Variants in ITGB6 observed in about 807,000 individuals in gnomAD.
ITGB6 encodes integrin subunit beta 6.
ITGB6 carries 80 observed loss-of-function variants against 84.5 expected under a neutral mutation model. That is an observed-to-expected ratio of 0.95 (90% confidence interval 0.79 to 1.14). The LOEUF is 1.14. Ranked by LOEUF, ITGB6 falls within the 50% of genes most tolerant of loss-of-function variation. The pLI is 0.00. For synonymous variants in ITGB6, 383 were observed against 354.9 expected, an observed-to-expected ratio of 1.08 and a Z score of -0.89; for missense variants, 1,006 against 968.0, an observed-to-expected ratio of 1.04 and a Z score of -0.52.
At chr2:160,129,855 A>G (rs1474440203) in intron 10 of ITGB6, among the ~76,000 whole-genome samples, 1 of 152,170 alleles carries the variant, frequency 6.6e-6, no homozygotes, top group Non-Finnish European at 1.5e-5. Context: ...TGATAGACAC[A>G]AAGATTTTGA....
In ITGB6 at chr2:160,107,012, C is replaced by T. The variant is rs537393349; in HGVS notation, c.2268+667G>A. 2.6e-3 allele frequency among the ~76,000 whole-genome samples: 401 copies of T among 152,238 alleles called. 1 individual carries two copies. Among genetic ancestry groups the T allele is most frequent in the Non-Finnish European group, 4.2e-3 (284 of 68,002 alleles). ...GGTCTCTAGAAATGTAATTATCTCT[C>T]CTGTGGAAAAGAAACACAGAAAACT... On this transcript the variant is annotated intron_variant, in intron 14 of 14. Coordinates refer to ENST00000283249, the MANE Select transcript of ITGB6 (RefSeq NM_000888.5).
In ITGB6 at chr2:160,138,325, C is replaced by T. The variant is rs1045559536; in HGVS notation, c.1108-126G>A. The T allele has an allele frequency of 3.6e-6, 3 of 838,252 alleles. No individual in the cohort carries two copies. In the African/African-American group the frequency reaches 5.2e-5, roughly 14 times the overall value. 51.9% of individuals were successfully genotyped at this position (838,252 alleles called of 1,614,324 possible). The stretch of plus-strand genomic sequence containing the variant: ...ACTAAATTGGGTGTCTAAAGAAATT[C>T]AGTATATCATCAATCAAAAGCAAGA... On this transcript the variant is annotated intron_variant, in intron 8 of 14. Coordinates refer to ENST00000283249, the MANE Select transcript of ITGB6 (RefSeq NM_000888.5).
At chr2:160,102,486 C>T (rs1342902997) in intron 14 of ITGB6, among the ~76,000 whole-genome samples, 1 of 152,184 alleles carries the variant, frequency 6.6e-6, no homozygotes, top group Non-Finnish European at 1.5e-5. Context: ...CTGTGTAAGA[C>T]AACCACAAGA....
At chr2:160,174,437 C>CACA (rs1346857613) in intron 4 of ITGB6, among the ~76,000 whole-genome samples, 2 of 152,068 alleles carry the variant, frequency 1.3e-5, no homozygotes, top group African/African-American at 4.8e-5. Flanking sequence ...GTAATCACTA[C>CACA]CTTCTATGGG....
chr2:160,197,705 G>A (rs140423108), intron 2 of ITGB6, among the ~76,000 whole-genome samples: 33 of 152,320 alleles, frequency 2.2e-4, no homozygotes, highest in Non-Finnish European at 3.4e-4. Context: ...GCCAGGCATG[G>A]CAAACTGTAA....
intron 7 of ITGB6, among the ~76,000 whole-genome samples, chr2:160,163,125 C>T (rs1684880517): frequency 6.6e-6 from 1 of 152,150 alleles, no homozygotes; most frequent in African/African-American, 2.4e-5. Flanking sequence ...CCACCCAGAG[C>T]TTAAACAACC....
intron 2 of ITGB6, among the ~76,000 whole-genome samples, 169 bp from the exon 3 acceptor site, chr2:160,196,589 G>A (rs1388700485): frequency 1.3e-5 from 2 of 152,044 alleles, no homozygotes; most frequent in African/African-American, 4.8e-5. Context: ...TAAGTTATAG[G>A]TGAATAACCA....
chr2:160,173,093 G>C (rs553535950), intron 5 of ITGB6, among the ~76,000 whole-genome samples: 6 of 152,130 alleles, frequency 3.9e-5, no homozygotes, highest in Admixed American at 3.9e-4. Flanking sequence ...CCAAATTGAA[G>C]CCAAACTCAT....
rs774250804 is a variant in ITGB6, at chr2:160,196,393, C to T, written c.169G>A (p.Glu57Lys). 1.4e-5 allele frequency: 22 copies of T among 1,613,692 alleles called. No homozygotes were observed. Among genetic ancestry groups the T allele is most frequent in the East Asian group, 2.2e-5 (1 of 44,856 alleles). Reference protein sequence around the residue: ...ENFTHPSGVGERCDTPANLLA... With the variant: ...ENFTHPSGVGKRCDTPANLLA... ...AGGTTTGCTGGGGTATCACACCTTT[C>T]GCCAACTCCAGATGGATGAGTAAAA... The change falls in exon 3 of 15, where the codon GAA (glutamate) becomes AAA (lysine). Residue 57 changes from glutamate to lysine, a missense_variant. Coordinates refer to ENST00000283249, the MANE Select transcript of ITGB6 (RefSeq NM_000888.5).
chr2:160,118,816 A>G (rs1181927698), intron 12 of ITGB6, among the ~76,000 whole-genome samples: 1 of 152,114 alleles, frequency 6.6e-6, no homozygotes, highest in Non-Finnish European at 1.5e-5. Flanking sequence ...CTTCAGCAAA[A>G]TCTCAGAATA....
chr2:160,132,797 C>T (rs1324774900), intron 10 of ITGB6, among the ~76,000 whole-genome samples: 1 of 152,094 alleles, frequency 6.6e-6, no homozygotes, highest in East Asian at 1.9e-4. Context: ...AGCGATTTTA[C>T]ATCTATGTAG....
chr2:160,125,650 T>C (rs1683210172), intron 11 of ITGB6, among the ~76,000 whole-genome samples: 1 of 152,190 alleles, frequency 6.6e-6, no homozygotes, highest in African/African-American at 2.4e-5. Context: ...TCAGAGTTCA[T>C]GAAAATCTGA....
intron 4 of ITGB6, among the ~76,000 whole-genome samples, chr2:160,192,112 A>G (rs1479096101): frequency 2.6e-5 from 4 of 152,200 alleles, no homozygotes; most frequent in Non-Finnish European, 5.9e-5. Flanking sequence ...TATTTTTTGA[A>G]GAAATTGACA....
chr2:160,099,951 A>G lies in ITGB6; in HGVS notation c.*1785T>C, dbSNP rs1696650544. 1 of 152,220 alleles carries G rather than the reference A, an allele frequency of 6.6e-6. No individual in the cohort carries two copies. The highest frequency in any genetic ancestry group is 6.5e-5 in the Admixed American group (1 of 15,278). The allele number at this position is 152,220 out of a possible 1,614,324, so 9.4% of individuals were successfully genotyped here. On this transcript the variant is annotated 3_prime_UTR_variant, in exon 15 of 15. Transcript: ENST00000283249. The stretch of plus-strand genomic sequence containing the variant: ...ACAACAGTAAGTCCACGTAGAGGAG[A>G]GGATTGCTGTTGTGTTATCAGCATT...
chr2:160,172,226 G>A (rs1304504018), intron 6 of ITGB6, among the ~76,000 whole-genome samples: 4 of 152,192 alleles, frequency 2.6e-5, no homozygotes, highest in African/African-American at 9.7e-5. Flanking sequence ...ATCCTATGTG[G>A]CTACTGTTCT....
intron 12 of ITGB6, among the ~76,000 whole-genome samples, chr2:160,119,930 G>A (rs562598618): frequency 0.014 from 2,082 of 152,058 alleles, 20 homozygotes; most frequent in Non-Finnish European, 0.023. Context: ...TCATCATCAC[G>A]GGCCATCAGA....
At chr2:160,119,980 C>G (rs35869990) in intron 12 of ITGB6, among the ~76,000 whole-genome samples, 100,802 of 151,190 alleles carry the variant, frequency 0.67, 33,942 homozygotes, top group Admixed American at 0.74. Context: ...CCATCTCACA[C>G]CAGTTAGAAT....
intron 14 of ITGB6, among the ~76,000 whole-genome samples, chr2:160,102,649 G>T (rs1408622465): frequency 6.6e-6 from 1 of 152,186 alleles, no homozygotes; most frequent in Non-Finnish European, 1.5e-5. Flanking sequence ...GCCTCCAGGT[G>T]CCAATAGCAG....
At chr2:160,138,266 G>T in intron 8 of ITGB6, 67 bp from the exon 9 acceptor site, 1 of 1,423,136 alleles carries the variant, frequency 7.0e-7, no homozygotes. Flanking sequence ...AGAAGAAACC[G>T]TGAATCATGT....
Sources: allele counts gnomAD v4.1 joint callset (sites outside exome capture counted in the v4.1 genomes callset), GRCh38; gene constraint gnomAD v4.1.1; transcripts MANE v1.5; gene names NCBI Gene and HGNC (gene_info 2026-07-23, HGNC 2026-07-21).